The following OR1L8 variants were observed in gnomAD, a reference collection of about 807,000 sequenced individuals.
OR1L8 encodes the protein olfactory receptor family 1 subfamily L member 8.
For synonymous variants in OR1L8, 148 were observed against 147.0 expected (o/e 1.01, Z -0.05); for missense variants, 330 against 377.4 (o/e 0.87, Z 1.04).
chr9:122,558,875 T>C, the OR1L8 span, among the ~76,000 whole-genome samples: 1,335 of 152,178 alleles, frequency 8.8e-3, 17 homozygotes, highest in African/African-American at 0.031. Context: ...TTCTTTCCCT[T>C]ATAATGTGGA....
At chr9:122,565,848 T>C (rs1036986530), downstream of OR1L8, among the ~76,000 whole-genome samples, 1 of 152,212 alleles carries the variant, frequency 6.6e-6, no homozygotes, top group Non-Finnish European at 1.5e-5. Flanking sequence ...TTTTACCTTT[T>C]TGTTACATGT....
chr9:122,553,832 G>A, the OR1L8 span: 1 of 1,614,012 alleles, frequency 6.2e-7, no homozygotes, highest in Non-Finnish European at 8.5e-7. Flanking sequence ...CCATGGGCTT[G>A]CTGTTCCTCA....
chr9:122,557,343 A>G, the OR1L8 span, among the ~76,000 whole-genome samples: 2 of 152,048 alleles, frequency 1.3e-5, no homozygotes, highest in African/African-American at 4.8e-5. Flanking sequence ...ATTAAGTATG[A>G]TATTAACTGT....
chr9:122,570,179 C>A (rs978257879), intron 4 of OR1L8, among the ~76,000 whole-genome samples: 6 of 149,564 alleles, frequency 4.0e-5, no homozygotes, highest in Middle Eastern at 3.2e-3. Context: ...ATTTATAGTC[C>A]TTTGGGTATA....
the OR1L8 span, chr9:122,554,019 T>G: frequency 3.7e-6 from 6 of 1,613,820 alleles, no homozygotes; most frequent in Non-Finnish European, 3.4e-6. Context: ...ATCAACTTAC[T>G]CTACAGAGAG....
chr9:122,554,769 C>A, the OR1L8 span, among the ~76,000 whole-genome samples: 1 of 151,622 alleles, frequency 6.6e-6, no homozygotes, highest in African/African-American at 2.4e-5. Context: ...TTATGGTATT[C>A]CTTACTATTT....
At position 122,567,649 on chromosome 9, in the gene OR1L8, C is replaced by T. The variant is rs1564199292; in HGVS notation, c.829G>A (p.Val277Ile). 2 of 1,614,002 alleles carry T rather than the reference C, an allele frequency of 1.2e-6. No homozygotes were observed. The highest frequency in any genetic ancestry group is 1.7e-6 in the Non-Finnish European group (2 of 1,179,970). Reference sequence around the variant, plus strand: ...AGCATGGATGACAAAACTGTGTAAACAATTGTTGCCACGTGGTCCTTGACA... The same window carrying T: ...AGCATGGATGACAAAACTGTGTAAATAATTGTTGCCACGTGGTCCTTGACA... ...YAVKDHVATI[V>I]YTVLSSMLNP... is the part of the protein sequence containing the mutation. The change falls in exon 5 of 5, where the codon GTT becomes ATT. Residue 277 changes from valine to isoleucine, a missense_variant. Coordinates refer to ENST00000641027, the MANE Select transcript of OR1L8 (RefSeq NM_001004454.2).
In OR1L8 at chr9:122,568,480, A is replaced by T; in HGVS notation, c.-3T>A. 6.5e-7 allele frequency: 1 copy of T among 1,545,942 alleles called. No homozygotes were observed. The highest frequency in any genetic ancestry group is 8.8e-7 in the Non-Finnish European group (1 of 1,140,490). ...CTGGTGTGGTTGATTCTTTCCATTG[A>T]CTTGGGCTCAGTTATAAACAAGAAG... On this transcript the variant is annotated 5_prime_UTR_variant, in exon 5 of 5. Transcript: ENST00000641027.
chr9:122,553,931 C>G, the OR1L8 span: 1 of 1,613,938 alleles, frequency 6.2e-7, no homozygotes, highest in Non-Finnish European at 8.5e-7. Context: ...GATGGAAGGC[C>G]TTCTCTACCT....
chr9:122,562,296 G>A (rs189836798), downstream of OR1L8, among the ~76,000 whole-genome samples: 26 of 152,360 alleles, frequency 1.7e-4, no homozygotes, highest in African/African-American at 6.3e-4. Flanking sequence ...TGCCCCTCCC[G>A]CAGGGAGCTT....
At position 122,568,038 on chromosome 9, in the gene OR1L8, GC is replaced by G; in HGVS notation, c.439del (p.Ala147ProfsTer18). 1 of 1,614,020 alleles carries G rather than the reference GC, an allele frequency of 6.2e-7. No individual in the cohort carries two copies. Among genetic ancestry groups the G allele is most frequent in the Non-Finnish European group, 8.5e-7 (1 of 1,179,946 alleles). On this transcript the variant is annotated frameshift_variant, in exon 5 of 5. Coordinates refer to ENST00000641027, the MANE Select transcript of OR1L8 (RefSeq NM_001004454.2). LOFTEE classifies it low-confidence loss of function (END_TRUNC). ...GAGGTGAGGAAATGAGCAGGAGAAGGCCACCAGCAGGACACAGTGGTGGTGG... is the reference window on the plus strand; with the variant it reads ...GAGGTGAGGAAATGAGCAGGAGAAGGCACCAGCAGGACACAGTGGTGGTGG... Reference protein sequence around the residue: ...MSHHHCVLLVAFSCSFPHLHS... With the variant: ...MSHHHCVLLVXFSCSFPHLHS...
intron 3 of OR1L8, among the ~76,000 whole-genome samples, chr9:122,576,291 A>T (rs1289077881): frequency 1.3e-5 from 2 of 152,038 alleles, no homozygotes; most frequent in Non-Finnish European, 2.9e-5. Context: ...GCATGAGCTC[A>T]GCCCACTGCA....
At chr9:122,580,694 A>T (rs1829729112) in intron 1 of OR1L8, among the ~76,000 whole-genome samples, 1 of 152,024 alleles carries the variant, frequency 6.6e-6, no homozygotes, top group Admixed American at 6.5e-5. Context: ...CCATTAATAA[A>T]AGAATGGTTG....
At chr9:122,555,806 C>T in the OR1L8 span, among the ~76,000 whole-genome samples, 2,853 of 152,222 alleles carry the variant, frequency 0.019, 99 homozygotes, top group African/African-American at 0.065. Context: ...CCCCAACACA[C>T]GCACAATCTC....
chr9:122,568,958 A>T (rs767485808), intron 4 of OR1L8, among the ~76,000 whole-genome samples: 1 of 151,228 alleles, frequency 6.6e-6, no homozygotes, highest in Admixed American at 6.6e-5. Context: ...CTGGGGAGTC[A>T]GACTGGGGGT....
the OR1L8 span, chr9:122,553,970 C>T: frequency 1.5e-5 from 25 of 1,613,726 alleles, no homozygotes; most frequent in African/African-American, 3.2e-4. Flanking sequence ...TGGTTCTGCT[C>T]TTCTATGGGT....
rs138446845 is a variant in OR1L8 at position 122,577,082 on chromosome 9, T to A, written c.-477-181A>T. ...AGGAAAAGGAGATACTTTCTACTGC[T>A]GCTAGTAGTGTGAATACAAAGTGGC... On this transcript the variant is annotated intron_variant, in intron 2 of 4. Coordinates refer to ENST00000641027, the MANE Select transcript of OR1L8 (RefSeq NM_001004454.2). 5.4e-4 allele frequency among the ~76,000 whole-genome samples: 82 copies of A among 152,346 alleles called. 2 individuals are homozygous for A. The East Asian group carries it at 0.014, about 26-fold the overall frequency.
At chr9:122,573,532 C>T (rs1486014815) in intron 3 of OR1L8, among the ~76,000 whole-genome samples, 3 of 152,220 alleles carry the variant, frequency 2.0e-5, no homozygotes, top group African/African-American at 7.2e-5. Flanking sequence ...TGTTTTCCAT[C>T]TGTGCATCTT....
chr9:122,568,136 G>A lies in OR1L8; in HGVS notation c.342C>T (p.Cys114=). Residue 114 remains cysteine (C), a synonymous_variant, in exon 5 of 5, where the codon TGC becomes TGT. Coordinates refer to ENST00000641027, the MANE Select transcript of OR1L8 (RefSeq NM_001004454.2). ...GGTCAAAGGCCATGACTGCCAGAAG[G>A]CAGCTGTCACTGTTGCCCAAGGCAT... ...FLYALGNSDS[C]LLAVMAFDRY... is the part of the protein sequence containing the mutation. 1 of 1,614,128 alleles carries A rather than the reference G, an allele frequency of 6.2e-7. No homozygotes were observed. The highest frequency in any genetic ancestry group is 8.5e-7 in the Non-Finnish European group (1 of 1,179,988).
Sources: gnomAD v4.1 joint callset for allele counts (sites outside exome capture counted in the v4.1 genomes callset) on GRCh38, gnomAD v4.1.1 for gene constraint, MANE v1.5 for transcripts, NCBI Gene and HGNC (gene_info 2026-07-23, HGNC 2026-07-21) for gene names.